Variants in KCTD16 observed in about 807,000 individuals in gnomAD.
KCTD16 encodes potassium channel tetramerization domain containing 16.
In KCTD16, 13 loss-of-function variants were observed where a neutral mutation model predicts 33.2. That is an observed-to-expected ratio of 0.39 (90% confidence interval 0.25 to 0.62). The LOEUF (loss-of-function observed/expected upper bound fraction) is 0.62, where lower values mean the gene tolerates loss of function less well. Ranked by LOEUF, KCTD16 falls within the 20% of genes least tolerant of loss-of-function variation. The probability of loss-of-function intolerance (pLI) is 0.50; values close to 1 mark genes in which losing one functional copy is unlikely to be tolerated. For synonymous variants in KCTD16, 197 were observed against 195.3 expected, an observed-to-expected ratio of 1.01 and a Z score of -0.07; for missense variants, 441 against 525.1, an observed-to-expected ratio of 0.84 and a Z score of 1.57.
intron 3 of KCTD16, among the ~76,000 whole-genome samples, chr5:144,445,124 T>G (rs1410445985): frequency 6.6e-6 from 1 of 151,916 alleles, no homozygotes; most frequent in Non-Finnish European, 1.5e-5. Flanking sequence ...TTTGGCCTAC[T>G]TTTTATATTT....
At chr5:144,194,285 C>G (rs1240697052) in intron 2 of KCTD16, among the ~76,000 whole-genome samples, 1 of 152,240 alleles carries the variant, frequency 6.6e-6, no homozygotes, top group Non-Finnish European at 1.5e-5. Flanking sequence ...GATGGTGACA[C>G]TGATAACTTG....
intron 3 of KCTD16, among the ~76,000 whole-genome samples, chr5:144,402,181 C>T (rs536275814): frequency 6.6e-6 from 1 of 152,338 alleles, no homozygotes; most frequent in South Asian, 2.1e-4. Flanking sequence ...AAGGCTGTTA[C>T]TCTTCTTCTG....
intron 3 of KCTD16, among the ~76,000 whole-genome samples, chr5:144,233,238 T>C (rs1283491719): frequency 6.6e-6 from 1 of 152,146 alleles, no homozygotes; most frequent in Admixed American, 6.6e-5. Context: ...ATAAGTTAAC[T>C]TTTTCTGGTT....
chr5:144,390,526 A>T (rs998163596), intron 3 of KCTD16, among the ~76,000 whole-genome samples: 2 of 150,196 alleles, frequency 1.3e-5, no homozygotes, highest in Non-Finnish European at 3.0e-5. Context: ...GAAGTGTTTA[A>T]TTTTTTTTTT....
At chr5:144,238,782 C>A (rs1754322432) in intron 3 of KCTD16, among the ~76,000 whole-genome samples, 1 of 152,168 alleles carries the variant, frequency 6.6e-6, no homozygotes. Flanking sequence ...TTTGGCACAT[C>A]CTTCAGCATC....
chr5:144,367,134 G>T (rs1431846663), intron 3 of KCTD16, among the ~76,000 whole-genome samples: 1 of 152,166 alleles, frequency 6.6e-6, no homozygotes, highest in Non-Finnish European at 1.5e-5. Flanking sequence ...ATCCTGTGTG[G>T]CCTTGCCTCA....
chr5:144,455,965 CTGTG>C (rs1208493076), intron 3 of KCTD16, among the ~76,000 whole-genome samples: 125 of 152,268 alleles, frequency 8.2e-4, no homozygotes, highest in African/African-American at 2.8e-3. Context: ...TGAGCCATTA[CTGTG>C]TCTCATACTA....
intron 3 of KCTD16, among the ~76,000 whole-genome samples, chr5:144,381,611 T>G (rs1580917928): frequency 1.3e-5 from 2 of 150,712 alleles, no homozygotes; most frequent in African/African-American, 2.4e-5. Flanking sequence ...AGGGGGGAGG[T>G]GCCACACACT....
intron 3 of KCTD16, among the ~76,000 whole-genome samples, chr5:144,412,234 C>A (rs959826852): frequency 6.6e-6 from 1 of 152,142 alleles, no homozygotes; most frequent in Non-Finnish European, 1.5e-5. Context: ...ATGTTTATTG[C>A]AGCACTACTC....
chr5:144,222,036 CAT>C (rs1443673162), intron 3 of KCTD16, among the ~76,000 whole-genome samples: 2 of 152,094 alleles, frequency 1.3e-5, no homozygotes, highest in Admixed American at 1.3e-4. Context: ...AGCTTTTTTT[CAT>C]ATGTTTGTTG....
At chr5:144,381,550 G>C (rs1013619443) in intron 3 of KCTD16, among the ~76,000 whole-genome samples, 17 of 152,168 alleles carry the variant, frequency 1.1e-4, no homozygotes, top group African/African-American at 4.1e-4. Context: ...GAAGGCAAAG[G>C]GGGAGTAGGC....
At chr5:144,293,515 C>T (rs1397485799) in intron 3 of KCTD16, among the ~76,000 whole-genome samples, 1 of 152,150 alleles carries the variant, frequency 6.6e-6, no homozygotes, top group Non-Finnish European at 1.5e-5. Context: ...TGGCATTACT[C>T]TCTCTGACCA....
chr5:144,407,622 G>A (rs149142030), intron 3 of KCTD16, among the ~76,000 whole-genome samples: 1 of 152,012 alleles, frequency 6.6e-6, no homozygotes, highest in East Asian at 1.9e-4. Context: ...GTAGTTTGCT[G>A]CACCCATCAA....
intron 3 of KCTD16, among the ~76,000 whole-genome samples, chr5:144,452,080 G>T (rs1753955415): frequency 6.6e-6 from 1 of 150,524 alleles, no homozygotes; most frequent in Non-Finnish European, 1.5e-5. Context: ...TTTTCTCATT[G>T]ATCAGAATGA....
chr5:144,344,925 A>G lies in KCTD16; in HGVS notation c.833-128735A>G, dbSNP rs577285171. ...GCACACGTATGTTTATTGCGGCACTATTCACAATAGCAAAGACTTGGAACC... is the reference window on the plus strand; with the variant it reads ...GCACACGTATGTTTATTGCGGCACTGTTCACAATAGCAAAGACTTGGAACC... On this transcript the variant is annotated intron_variant, in intron 3 of 3. Coordinates refer to ENST00000512467, the MANE Select transcript of KCTD16 (RefSeq NM_020768.4). Among the ~76,000 whole-genome samples, 33 of 151,770 alleles carry G rather than the reference A, an allele frequency of 2.2e-4. No homozygotes were observed. In the East Asian group the frequency reaches 4.5e-3, roughly 20 times the overall value.
intron 3 of KCTD16, among the ~76,000 whole-genome samples, chr5:144,225,471 A>T (rs1753901289): frequency 6.6e-6 from 1 of 152,146 alleles, no homozygotes; most frequent in Non-Finnish European, 1.5e-5. Context: ...TACAAAAAAG[A>T]TGTCAAAAGA....
intron 3 of KCTD16, among the ~76,000 whole-genome samples, chr5:144,326,416 T>G (rs1423864295): frequency 2.0e-5 from 3 of 152,190 alleles, no homozygotes; most frequent in Non-Finnish European, 4.4e-5. Flanking sequence ...TAAAAAATGT[T>G]TGTAACCTTT....
chr5:144,405,838 G>T (rs2126949807), intron 3 of KCTD16, among the ~76,000 whole-genome samples: 1 of 152,264 alleles, frequency 6.6e-6, no homozygotes, highest in Admixed American at 6.5e-5. Context: ...AAGACAGTAG[G>T]GCTCTCTGGG....
At chr5:144,286,024 G>A (rs924102098) in intron 3 of KCTD16, among the ~76,000 whole-genome samples, 1 of 149,502 alleles carries the variant, frequency 6.7e-6, no homozygotes, top group Non-Finnish European at 1.5e-5. Flanking sequence ...GATATTTTTG[G>A]CAGGAAAGTT....
Sources: gnomAD v4.1 joint callset for allele counts (sites outside exome capture counted in the v4.1 genomes callset) on GRCh38, gnomAD v4.1.1 for gene constraint, MANE v1.5 for transcripts, NCBI Gene and HGNC (gene_info 2026-07-23, HGNC 2026-07-21) for gene names.